HPSE2: variants seen among roughly 807,000 people sequenced by gnomAD.
The protein encoded by HPSE2 is heparanase 2 (inactive).
HPSE2 carries 38 observed loss-of-function variants against 60.5 expected under a neutral mutation model. That is an observed-to-expected ratio of 0.63 (90% CI 0.48 to 0.82). HPSE2 has a LOEUF of 0.82. HPSE2 is among the 40% of genes least tolerant of loss of function. The probability of loss-of-function intolerance (pLI) is 0.00; values close to 1 mark genes in which losing one functional copy is unlikely to be tolerated. For synonymous variants in HPSE2, 295 were observed against 293.2 expected, an observed-to-expected ratio of 1.01 and a Z score of -0.06; for missense variants, 713 against 740.4, an observed-to-expected ratio of 0.96 and a Z score of 0.43.
At chr10:99,051,573 T>C (rs2135500704) in intron 3 of HPSE2, among the ~76,000 whole-genome samples, 3 of 152,216 alleles carry the variant, frequency 2.0e-5, no homozygotes. Context: ...GCATAAATTG[T>C]AAGCATACAG....
At chr10:98,727,409 G>A (rs140513493) in intron 4 of HPSE2, among the ~76,000 whole-genome samples, 5 of 152,306 alleles carry the variant, frequency 3.3e-5, no homozygotes, top group Middle Eastern at 3.4e-3. Flanking sequence ...CCAGCACTTT[G>A]GGAGGCCAAG....
At chr10:98,566,836 C>T (rs544176) in intron 9 of HPSE2, among the ~76,000 whole-genome samples, 129,321 of 152,184 alleles carry the variant, frequency 0.85, 56,212 homozygotes, top group East Asian at 1. Context: ...TAGTTCCTGT[C>T]ACTCCAGATG....
chr10:99,264,905 C>T, the HPSE2 span, among the ~76,000 whole-genome samples: 2 of 152,076 alleles, frequency 1.3e-5, no homozygotes, highest in East Asian at 1.9e-4. Context: ...TGAGAAACAT[C>T]GCCCGTTATC....
intron 5 of HPSE2, among the ~76,000 whole-genome samples, chr10:98,706,291 C>T (rs10786458): frequency 0.71 from 108,638 of 152,164 alleles, 40,816 homozygotes; most frequent in South Asian, 0.95. Context: ...TTGGAGAAAA[C>T]GCTACCATAT....
intron 3 of HPSE2, among the ~76,000 whole-genome samples, chr10:98,750,542 T>C (rs1313787724): frequency 1.3e-5 from 2 of 152,090 alleles, no homozygotes; most frequent in Non-Finnish European, 2.9e-5. Context: ...CAAGGGATCA[T>C]TGTGGCTTGG....
chr10:99,302,646 C>A, the HPSE2 span, among the ~76,000 whole-genome samples: 256 of 152,146 alleles, frequency 1.7e-3, 2 homozygotes, highest in East Asian at 0.036. Context: ...ACTTTTTCCT[C>A]CCAAGGCTGA....
intron 9 of HPSE2, among the ~76,000 whole-genome samples, chr10:98,584,880 G>T (rs1433866137): frequency 6.6e-6 from 1 of 152,160 alleles, no homozygotes; most frequent in Admixed American, 6.5e-5. Flanking sequence ...GTATAGACAG[G>T]TGTCTTGCCT....
chr10:98,717,605 C>G (rs1390261503), intron 5 of HPSE2, among the ~76,000 whole-genome samples: 1 of 151,936 alleles, frequency 6.6e-6, no homozygotes, highest in Non-Finnish European at 1.5e-5. Flanking sequence ...GAGAGAGATG[C>G]GAGAATGGCT....
chr10:99,018,262 T>C (rs1405158373), intron 3 of HPSE2, among the ~76,000 whole-genome samples: 1 of 152,210 alleles, frequency 6.6e-6, no homozygotes, highest in Non-Finnish European at 1.5e-5. Context: ...TGGTCTCCTC[T>C]AGTATGAAAA....
chr10:98,885,452 C>T (rs1953137490), intron 3 of HPSE2, among the ~76,000 whole-genome samples: 1 of 152,108 alleles, frequency 6.6e-6, no homozygotes. Context: ...GGGTAAAATG[C>T]TATCAAGCAG....
chr10:98,651,763 G>A (rs1300015096), intron 6 of HPSE2, among the ~76,000 whole-genome samples: 1 of 149,698 alleles, frequency 6.7e-6, no homozygotes, highest in Non-Finnish European at 1.5e-5. Context: ...CCCCTTTAAA[G>A]AACTAGTTCC....
At chr10:98,997,181 C>G (rs1956665301) in intron 3 of HPSE2, among the ~76,000 whole-genome samples, 1 of 146,052 alleles carries the variant, frequency 6.8e-6, no homozygotes, top group East Asian at 2.1e-4. Context: ...GGAGCGATCT[C>G]AGCTCACTGC....
At chr10:98,658,052 C>T (rs1284827598) in intron 6 of HPSE2, among the ~76,000 whole-genome samples, 2 of 152,162 alleles carry the variant, frequency 1.3e-5, no homozygotes, top group East Asian at 3.9e-4. Context: ...TGGGACTTCA[C>T]TGCAGGGCAC....
At chr10:99,142,690 C>T (rs1192996235) in intron 3 of HPSE2, among the ~76,000 whole-genome samples, 2 of 152,154 alleles carry the variant, frequency 1.3e-5, no homozygotes, top group East Asian at 1.9e-4. Context: ...GTTTGAACTG[C>T]GAATAAACAT....
the HPSE2 span, among the ~76,000 whole-genome samples, chr10:99,273,129 A>C: frequency 6.6e-6 from 1 of 152,240 alleles, no homozygotes; most frequent in African/African-American, 2.4e-5. Context: ...AAGCTGGATG[A>C]AATTGGAGAG....
chr10:98,588,019 AC>A (rs1944984290), intron 9 of HPSE2, among the ~76,000 whole-genome samples: 1 of 152,260 alleles, frequency 6.6e-6, no homozygotes, highest in South Asian at 2.1e-4. Flanking sequence ...TGAATTGAGG[AC>A]ATCCAAGCTT....
chr10:98,702,102 G>C (rs11528124), intron 5 of HPSE2, among the ~76,000 whole-genome samples: 28,281 of 152,084 alleles, frequency 0.19, 3,048 homozygotes, highest in East Asian at 0.39. Flanking sequence ...AAAATAAAGG[G>C]ATGGAGGAAT....
chr10:99,210,984 C>T (rs565147428), intron 2 of HPSE2, among the ~76,000 whole-genome samples: 1 of 152,244 alleles, frequency 6.6e-6, no homozygotes, highest in East Asian at 1.9e-4. Context: ...GACTATCCCT[C>T]TTTCCAGACA....
the HPSE2 span, among the ~76,000 whole-genome samples, chr10:99,295,870 T>C: frequency 6.6e-6 from 1 of 152,118 alleles, no homozygotes. Context: ...TGGAAACAAA[T>C]TGGAAAGAAA....
Sources: gnomAD v4.1 joint callset for allele counts (sites outside exome capture counted in the v4.1 genomes callset) on GRCh38, gnomAD v4.1.1 for gene constraint, MANE v1.5 for transcripts, NCBI Gene and HGNC (gene_info 2026-07-23, HGNC 2026-07-21) for gene names.